ANKRD6: variants seen among roughly 807,000 people sequenced by gnomAD.
The protein encoded by ANKRD6 is ankyrin repeat domain 6, also known as ankyrin repeat domain-containing protein 6.
A neutral mutation model predicts 82.3 loss-of-function variants in ANKRD6; 56 were observed. That is an observed-to-expected ratio of 0.68 (90% confidence interval 0.55 to 0.85). The LOEUF (loss-of-function observed/expected upper bound fraction) is 0.85, where lower values mean the gene tolerates loss of function less well. ANKRD6 is among the 40% of genes least tolerant of loss of function. The pLI, the probability that ANKRD6 is intolerant of heterozygous loss-of-function variation, is 0.00. For synonymous variants in ANKRD6, 347 were observed against 352.1 expected (o/e 0.99, Z 0.16); for missense variants, 852 against 907.6 (o/e 0.94, Z 0.79).
At chr6:89,579,174 A>G (rs1027074382) in intron 2 of ANKRD6, among the ~76,000 whole-genome samples, 13 of 152,248 alleles carry the variant, frequency 8.5e-5, no homozygotes, top group African/African-American at 1.9e-4. Context: ...TACTAGCTCT[A>G]TGGTCTTGAG....
chr6:89,595,066 A>T lies in ANKRD6; in HGVS notation c.121-850A>T, dbSNP rs896394705. 2.0e-5 allele frequency among the ~76,000 whole-genome samples: 3 copies of T among 152,156 alleles called. No individual in the cohort carries two copies. The East Asian group carries it at 5.8e-4, about 29-fold the overall frequency. On this transcript the variant is annotated intron_variant, in intron 2 of 15. Transcript: ENST00000339746. ...TACACCCAGCGTAGAATTTTTTTTT[A>T]AAAAGAGGAAGAACCGGCCAGTCAT...
intron 3 of ANKRD6, among the ~76,000 whole-genome samples, chr6:89,596,455 T>C (rs953302761): frequency 1.3e-5 from 2 of 152,214 alleles, no homozygotes; most frequent in Non-Finnish European, 2.9e-5. Flanking sequence ...TTTCTCATCT[T>C]AATTTCTCTT....
chr6:89,438,007 T>C (rs1307695115), intron 1 of ANKRD6, among the ~76,000 whole-genome samples: 2 of 152,194 alleles, frequency 1.3e-5, no homozygotes, highest in Non-Finnish European at 2.9e-5. Flanking sequence ...TTGCCCAGGC[T>C]CACACTGGTT....
At chr6:89,512,913 T>TC (rs1410235959) in intron 1 of ANKRD6, among the ~76,000 whole-genome samples, 1 of 148,378 alleles carries the variant, frequency 6.7e-6, no homozygotes, top group African/African-American at 2.5e-5. Context: ...CTTTTTCCTT[T>TC]TTTTCTTTCT....
chr6:89,436,662 G>A (rs1770675313), intron 1 of ANKRD6, among the ~76,000 whole-genome samples: 1 of 152,166 alleles, frequency 6.6e-6, no homozygotes, highest in Non-Finnish European at 1.5e-5. Context: ...CAGGGGTAGG[G>A]GGAGGACAGA....
chr6:89,481,816 T>C (rs1776848256), intron 1 of ANKRD6, among the ~76,000 whole-genome samples: 1 of 152,148 alleles, frequency 6.6e-6, no homozygotes, highest in African/African-American at 2.4e-5. Context: ...CTGATAGCAC[T>C]GGTACTGGTG....
chr6:89,595,960 T>C lies in ANKRD6; in HGVS notation c.165T>C (p.Leu55=). 6.2e-7 allele frequency: 1 copy of C among 1,611,136 alleles called. No individual in the cohort carries two copies. The highest frequency in any genetic ancestry group is 8.5e-7 in the Non-Finnish European group (1 of 1,178,816). The change falls in exon 3 of 16, where the codon CTT becomes CTC. Residue 55 remains leucine, a synonymous_variant. Coordinates refer to ENST00000339746, the MANE Select transcript of ANKRD6 (RefSeq NM_001242809.2). Reference sequence around the variant, plus strand: ...ATCTTGCTGCCAATAAGGGCCATCTTCCTGTGGTCCAGATCTTGCTGAAGG... The same window carrying C: ...ATCTTGCTGCCAATAAGGGCCATCTCCCTGTGGTCCAGATCTTGCTGAAGG... The part of the protein sequence containing the change: ...PLHLAANKGH[L]PVVQILLKAG...
At chr6:89,604,811 G>A (rs1373919798) in intron 4 of ANKRD6, among the ~76,000 whole-genome samples, 1 of 152,128 alleles carries the variant, frequency 6.6e-6, no homozygotes, top group Non-Finnish European at 1.5e-5. Flanking sequence ...ACTTCCCCTT[G>A]TGGAGGTCAG....
intron 1 of ANKRD6, among the ~76,000 whole-genome samples, chr6:89,564,331 G>C (rs1051720413): frequency 5.3e-5 from 8 of 152,146 alleles, no homozygotes; most frequent in African/African-American, 1.9e-4. Flanking sequence ...CAAAAAAATA[G>C]AAGGGTGTTT....
At chr6:89,459,237 C>G (rs1773846450) in intron 1 of ANKRD6, among the ~76,000 whole-genome samples, 1 of 152,140 alleles carries the variant, frequency 6.6e-6, no homozygotes, top group Non-Finnish European at 1.5e-5. Flanking sequence ...TGCCACCACA[C>G]TCAGCTAATT....
intron 2 of ANKRD6, among the ~76,000 whole-genome samples, chr6:89,593,837 G>A (rs1302964592): frequency 1.3e-5 from 2 of 152,220 alleles, no homozygotes; most frequent in African/African-American, 4.8e-5. Flanking sequence ...TGGCAGGGCA[G>A]TTCTCTAGAT....
chr6:89,492,005 T>C (rs1778077259), intron 1 of ANKRD6, among the ~76,000 whole-genome samples: 1 of 152,180 alleles, frequency 6.6e-6, no homozygotes, highest in South Asian at 2.1e-4. Context: ...AAAAAATACA[T>C]GTTTCCCTAT....
intron 1 of ANKRD6, among the ~76,000 whole-genome samples, chr6:89,467,962 A>G (rs1474688309): frequency 6.6e-6 from 1 of 152,250 alleles, no homozygotes; most frequent in African/African-American, 2.4e-5. Flanking sequence ...TAAAACAGCC[A>G]TAAAAATTCT....
At chr6:89,498,250 T>G (rs544260391) in intron 1 of ANKRD6, among the ~76,000 whole-genome samples, 2 of 152,326 alleles carry the variant, frequency 1.3e-5, no homozygotes, top group African/African-American at 4.8e-5. Context: ...TTTATAAATA[T>G]TTTAATATAT....
intron 1 of ANKRD6, among the ~76,000 whole-genome samples, chr6:89,473,311 T>C (rs754507763): frequency 6.6e-6 from 1 of 151,546 alleles, no homozygotes; most frequent in Non-Finnish European, 1.5e-5. Context: ...CTCGGGAGGC[T>C]GAGGCAGGAG....
Position 89,620,881 on chromosome 6 carries a change from C to T in ANKRD6, c.793-1041C>T, listed in dbSNP as rs111486720. On this transcript the variant is annotated intron_variant, in intron 9 of 15. Transcript: ENST00000339746. ...GAGATCAAAACCATCCTGGCTAGCA[C>T]GGTGAAACCCCGTCTCTACTAAAAA... is the stretch of plus-strand genomic sequence containing the variant. 2.9e-3 allele frequency among the ~76,000 whole-genome samples: 445 copies of T among 152,144 alleles called. 1 individual carries two copies. The highest frequency in any genetic ancestry group is 4.6e-3 in the Non-Finnish European group (316 of 68,002).
At chr6:89,607,601 T>G (rs923577998) in intron 5 of ANKRD6, among the ~76,000 whole-genome samples, 9 of 151,994 alleles carry the variant, frequency 5.9e-5, no homozygotes, top group African/African-American at 2.2e-4. Flanking sequence ...TTTTGTACCT[T>G]TCCCAAATTT....
chr6:89,624,856 T>A (rs1805061577), intron 13 of ANKRD6, among the ~76,000 whole-genome samples, 165 bp downstream of exon 13: 2 of 152,232 alleles, frequency 1.3e-5, no homozygotes, highest in Non-Finnish European at 2.9e-5. Flanking sequence ...TACATTTATT[T>A]CAGCTTTTTA....
At chr6:89,497,961 A>G (rs1024930162) in intron 1 of ANKRD6, among the ~76,000 whole-genome samples, 1 of 152,186 alleles carries the variant, frequency 6.6e-6, no homozygotes, top group South Asian at 2.1e-4. Flanking sequence ...ATATAAATAG[A>G]ATCAGATAGT....
Sources: gnomAD v4.1 joint callset for allele counts (sites outside exome capture counted in the v4.1 genomes callset) on GRCh38, gnomAD v4.1.1 for gene constraint, MANE v1.5 for transcripts, NCBI Gene and HGNC (gene_info 2026-07-23, HGNC 2026-07-21) for gene names.